Variants in DIAPH2 observed in about 807,000 individuals in gnomAD.
DIAPH2 encodes protein diaphanous homolog 2.
Under a neutral mutation model 92.7 loss-of-function variants are expected in DIAPH2, and 35 were observed. That is an observed-to-expected ratio of 0.38 (90% confidence interval 0.29 to 0.50). DIAPH2 has a LOEUF of 0.50. DIAPH2 is among the 20% of genes least tolerant of loss of function. DIAPH2 has a pLI of 0.94. For synonymous variants in DIAPH2, 301 were observed against 280.4 expected (o/e 1.07, Z -0.73); for missense variants, 701 against 819.5 (o/e 0.86, Z 1.77).
rs762297536 is a variant in DIAPH2 at position 96,885,698 on chromosome X, A to G, written c.587+3980A>G. Among the ~76,000 whole-genome samples, 3 of 111,358 alleles carry G rather than the reference A, an allele frequency of 2.7e-5. No homozygotes were observed. In the South Asian group the frequency reaches 1.1e-3, roughly 41 times the overall value. On this transcript the variant is annotated intron_variant, in intron 5 of 26. Coordinates refer to ENST00000324765, the MANE Select transcript of DIAPH2 (RefSeq NM_006729.5). The stretch of plus-strand genomic sequence containing the variant: ...TAAAATAAGATTATACTGTGTTTAA[A>G]TAAACCATTTTTGCCAGGTTATCTT...
Position 97,141,700 on chromosome X carries a change from C to G in DIAPH2, c.2625C>G (p.Thr875=). The change falls in exon 22 of 27, where the codon ACC becomes ACG. Residue 875 remains threonine (T), a synonymous_variant. Coordinates refer to ENST00000324765, the MANE Select transcript of DIAPH2 (RefSeq NM_006729.5). ...RDTKSADQKT[T]LLHFIADICE... ...CTAAATCAGCGGATCAAAAAACAAC[C>G]CTTTTGCATTTTATTGCCGACATTT... 1.7e-6 allele frequency: 2 copies of G among 1,203,697 alleles called. No homozygotes were observed. The highest frequency in any genetic ancestry group is 1.1e-6 in the Non-Finnish European group (1 of 892,351).
intron 17 of DIAPH2, among the ~76,000 whole-genome samples, chrX:96,996,884 C>T (rs2066108466): frequency 8.9e-6 from 1 of 111,837 alleles, no homozygotes; most frequent in African/African-American, 3.2e-5. Context: ...AATCACATTC[C>T]AAACTAGTAA....
At position 96,712,328 on chromosome X, in the gene DIAPH2, C is replaced by T. The variant is rs185344179; in HGVS notation, c.133-23430C>T. On this transcript the variant is annotated intron_variant, in intron 1 of 26. Coordinates refer to ENST00000324765, the MANE Select transcript of DIAPH2 (RefSeq NM_006729.5). ...TTTTTCTAGAGCTCTACCAGCTTGG[C>T]TTTTACTTCCCCTTTTATAATTTTT... Among the ~76,000 whole-genome samples, 55 of 110,333 alleles carry T rather than the reference C, an allele frequency of 5.0e-4. 1 individual carries two copies. In the Admixed American group the frequency reaches 5.3e-3, roughly 11 times the overall value.
At chrX:97,589,045 C>T (rs2147884765) in intron 26 of DIAPH2, among the ~76,000 whole-genome samples, 1 of 39,017 alleles carries the variant, frequency 2.6e-5, no homozygotes, top group East Asian at 1.2e-3. Flanking sequence ...CAGATGGTTG[C>T]GGTGGCTCAT....
chrX:97,137,698 A>G (rs5921406), intron 21 of DIAPH2, among the ~76,000 whole-genome samples: 12,770 of 110,342 alleles, frequency 0.12, 683 homozygotes, highest in Admixed American at 0.22. Flanking sequence ...ATGAAACTGC[A>G]TGGTATGTTT....
intron 9 of DIAPH2, among the ~76,000 whole-genome samples, chrX:96,925,957 C>T (rs1339499917): frequency 1.8e-5 from 2 of 111,851 alleles, no homozygotes; most frequent in African/African-American, 3.2e-5. Flanking sequence ...CATACTTTGA[C>T]TTAAATCATC....
chrX:97,450,000 T>C (rs1176511751), intron 26 of DIAPH2, among the ~76,000 whole-genome samples: 2 of 110,315 alleles, frequency 1.8e-5, no homozygotes, highest in Non-Finnish European at 3.8e-5. Flanking sequence ...GCGATTGTTA[T>C]GTATTGTGTG....
intron 10 of DIAPH2, among the ~76,000 whole-genome samples, chrX:96,935,531 GT>G (rs761731154): frequency 9.0e-6 from 1 of 111,136 alleles, no homozygotes; most frequent in South Asian, 3.7e-4. Context: ...TCAAGTTGCA[GT>G]TTCCAAGAAC....
In DIAPH2 at chrX:96,933,443, C is replaced by G. The variant is rs773609114; in HGVS notation, c.1089+2600C>G. Among the ~76,000 whole-genome samples the G allele has an allele frequency of 1.1e-3, 116 of 107,276 alleles. 3 individuals are homozygous for G. The highest frequency in any genetic ancestry group is 4.9e-3 in the Middle Eastern group (1 of 206). 93.2% of individuals were successfully genotyped at this position (107,276 alleles called of 115,157 possible). On this transcript the variant is annotated intron_variant, in intron 10 of 26. Transcript: ENST00000324765. ...CTCCTGTGCTCAAGCAATCCTTCCA[C>G]TGCAGCCTCTCAAGTAGCTGGGAAT... is the stretch of plus-strand genomic sequence containing the variant.
rs1235835575 is a variant in DIAPH2, at chrX:96,962,454, C to T, written c.1936-2639C>T. 3.6e-4 allele frequency among the ~76,000 whole-genome samples: 23 copies of T among 63,169 alleles called. 2 individuals carry two copies. Among genetic ancestry groups the T allele is most frequent in the African/African-American group, 1.5e-3 (22 of 14,267 alleles). 54.9% of individuals were successfully genotyped at this position (63,169 alleles called of 115,157 possible). On this transcript the variant is annotated intron_variant, in intron 16 of 26. Coordinates refer to ENST00000324765, the MANE Select transcript of DIAPH2 (RefSeq NM_006729.5). ...ACATATATATATACATATATACACA[C>T]ACATATATATATACATATATATATA...
At chrX:97,060,548 G>C (rs981453708) in intron 17 of DIAPH2, among the ~76,000 whole-genome samples, 1 of 110,804 alleles carries the variant, frequency 9.0e-6, no homozygotes, top group Non-Finnish European at 1.9e-5. Context: ...ATATATTGAG[G>C]ATCCACCGTA....
At position 97,604,492 on chromosome X, in the gene DIAPH2, C is replaced by G. The variant is rs1328441962; in HGVS notation, c.*5175C>G. 3 of 111,860 alleles carry G rather than the reference C, an allele frequency of 2.7e-5. No homozygotes were observed. The highest frequency in any genetic ancestry group is 3.8e-5 in the Non-Finnish European group (2 of 53,136). The allele number at this position is 111,860 out of a possible 1,213,427, so 9.2% of individuals were successfully genotyped here. The stretch of plus-strand genomic sequence containing the variant: ...TGCATTCTTGGTGCTCAAACCAGAT[C>G]GAAGTTTGTCTCTAAAAGCTATTGT... On this transcript the variant is annotated 3_prime_UTR_variant, in exon 27 of 27. Transcript: ENST00000324765.
intron 23 of DIAPH2, among the ~76,000 whole-genome samples, chrX:97,340,731 C>T (rs1473004573): frequency 9.5e-6 from 1 of 105,485 alleles, no homozygotes; most frequent in Admixed American, 1.0e-4. Flanking sequence ...TCTCGGCTCA[C>T]TGCAACCTCT....
intron 23 of DIAPH2, among the ~76,000 whole-genome samples, chrX:97,280,472 AAAT>A (rs900280458): frequency 9.0e-6 from 1 of 110,907 alleles, no homozygotes; most frequent in African/African-American, 3.3e-5. Context: ...CTCCGTCTCA[AAAT>A]AATAATAATA....
chrX:96,992,691 G>A (rs1398658695), intron 17 of DIAPH2, among the ~76,000 whole-genome samples: 2 of 112,282 alleles, frequency 1.8e-5, no homozygotes, highest in African/African-American at 6.5e-5. Context: ...CCTTTGCTTT[G>A]CATTTTGTAT....
chrX:96,984,603 A>G (rs993636348), intron 17 of DIAPH2, among the ~76,000 whole-genome samples: 1 of 111,477 alleles, frequency 9.0e-6, no homozygotes, highest in Non-Finnish European at 1.9e-5. Flanking sequence ...GTCAGGGTCC[A>G]ATGTCTCAGG....
rs1312543375 is a variant in DIAPH2 at position 97,017,330 on chromosome X, GAGA to G, written c.2050+52128_2050+52130del. On this transcript the variant is annotated intron_variant, in intron 17 of 26. Coordinates refer to ENST00000324765, the MANE Select transcript of DIAPH2 (RefSeq NM_006729.5). Reference sequence around the variant, plus strand: ...TTTCTCCTTTGTTTGATGGTAGTGAGAGAAGAACACTACTTTTTGGAAGATTAT... The same window carrying G: ...TTTCTCCTTTGTTTGATGGTAGTGAGAGAACACTACTTTTTGGAAGATTAT... Among the ~76,000 whole-genome samples the G allele has an allele frequency of 1.8e-4, 20 of 111,570 alleles. No homozygotes were observed. In the Admixed American group the frequency reaches 1.8e-3, roughly 10 times the overall value.
At chrX:97,047,433 C>G (rs1200669672) in intron 17 of DIAPH2, among the ~76,000 whole-genome samples, 1 of 106,643 alleles carries the variant, frequency 9.4e-6, no homozygotes, top group Non-Finnish European at 1.9e-5. Context: ...ATATATAGTA[C>G]CCTTTATCTA....
intron 19 of DIAPH2, among the ~76,000 whole-genome samples, chrX:97,078,151 G>A (rs983449275): frequency 1.8e-5 from 2 of 111,686 alleles, no homozygotes; most frequent in African/African-American, 6.5e-5. Context: ...TGATGCATGT[G>A]TGAAGGGAAA....
Sources: gnomAD v4.1 joint callset for allele counts (sites outside exome capture counted in the v4.1 genomes callset) on GRCh38, gnomAD v4.1.1 for gene constraint, MANE v1.5 for transcripts, NCBI Gene and HGNC (gene_info 2026-07-23, HGNC 2026-07-21) for gene names.